The following MEF2B variants were observed in gnomAD, a reference collection of about 807,000 sequenced individuals.
MEF2B encodes the protein myocyte-specific enhancer factor 2B.
In MEF2B, 15 loss-of-function variants were observed where a neutral mutation model predicts 32.2. The ratio of observed to expected loss-of-function variants is 0.47; its 90% confidence interval spans 0.31 to 0.72. The LOEUF (loss-of-function observed/expected upper bound fraction) is 0.72, where lower values mean the gene tolerates loss of function less well. Ranked by LOEUF, MEF2B falls within the 30% of genes least tolerant of loss-of-function variation. The probability of loss-of-function intolerance (pLI) is 0.05; values close to 1 mark genes in which losing one functional copy is unlikely to be tolerated. For missense variants in MEF2B, 441 were observed against 511.5 expected, an observed-to-expected ratio of 0.86 and a Z score of 1.33; for synonymous variants, 205 against 225.6, an observed-to-expected ratio of 0.91 and a Z score of 0.82.
intron 1 of MEF2B, among the ~76,000 whole-genome samples, chr19:19,169,853 G>GAGGGACATCACATGCCACATCAC: frequency 6.6e-6 from 1 of 152,118 alleles, no homozygotes; most frequent in Non-Finnish European, 1.5e-5. Context: ...CACCAGGAGA[G>GAGGGACATCACATGCCACATCAC]AGGGACATCA....
chr19:19,161,225 A>T (rs961987632), intron 1 of MEF2B, among the ~76,000 whole-genome samples: 7 of 151,996 alleles, frequency 4.6e-5, no homozygotes, highest in Non-Finnish European at 1.0e-4. Context: ...TCCTGGGGGA[A>T]CCCAGCTCAG....
At chr19:19,169,267 T>G (rs2060234121) in intron 1 of MEF2B, among the ~76,000 whole-genome samples, 1 of 151,622 alleles carries the variant, frequency 6.6e-6, no homozygotes, top group African/African-American at 2.4e-5. Flanking sequence ...GGGAGGAGAA[T>G]TGTTTGAGCC....
rs769734787 is a variant in MEF2B at position 19,146,618 on chromosome 19, A to G, written c.706T>C (p.Cys236Arg). ...GGGGGTCCGGGAGTTGCAGTGGAGC[A>G]GGGGTTCTGCAGGCCACTGTAGAGG... Reference protein sequence around the residue: ...RSLYSGLQNPCSTATPGPPLG... With the variant: ...RSLYSGLQNPRSTATPGPPLG... Residue 236 changes from cysteine (C) to arginine (R), a missense_variant, in exon 7 of 9, where the codon TGC becomes CGC. By Grantham distance (180) the Cys-to-Arg change is radical. Transcript: ENST00000424583. 1 of 1,611,204 alleles carries G rather than the reference A, an allele frequency of 6.2e-7. No homozygotes were observed. Among genetic ancestry groups the G allele is most frequent in the Non-Finnish European group, 8.5e-7 (1 of 1,178,808 alleles).
At chr19:19,163,722 G>A (rs2060185314) in intron 1 of MEF2B, among the ~76,000 whole-genome samples, 1 of 152,032 alleles carries the variant, frequency 6.6e-6, no homozygotes, top group South Asian at 2.1e-4. Flanking sequence ...GGCACAATCT[G>A]GGCCTACTGC....
chr19:19,169,205 T>C (rs1218609082), intron 1 of MEF2B, among the ~76,000 whole-genome samples: 1 of 151,512 alleles, frequency 6.6e-6, no homozygotes, highest in Non-Finnish European at 1.5e-5. Context: ...ATACAAAAAC[T>C]AGCCAGGCGG....
intron 3 of MEF2B, among the ~76,000 whole-genome samples, chr19:19,148,903 G>C (rs1377586650): frequency 6.6e-6 from 1 of 151,798 alleles, no homozygotes; most frequent in African/African-American, 2.4e-5. Context: ...GTAGAGACTG[G>C]GTTTTGCCAT....
chr19:19,170,095 A>G (rs1245930360), intron 1 of MEF2B, 110 bp downstream of exon 1: 5 of 397,178 alleles, frequency 1.3e-5, no homozygotes, highest in Non-Finnish European at 4.4e-6. Flanking sequence ...CTTTAGACAC[A>G]CACCCCACCC....
At position 19,166,522 on chromosome 19, in the gene MEF2B, G is replaced by A. The variant is rs533873299; in HGVS notation, c.-30+3683C>T. ...TGTAATCCCAGCACTTTGGGAGGCC[G>A]AGGCAGGAGGACCATTTGAGCTCAG... On this transcript the variant is annotated intron_variant, in intron 1 of 8. Transcript: ENST00000424583. 7.6e-4 allele frequency among the ~76,000 whole-genome samples: 115 copies of A among 151,230 alleles called. 1 individual carries two copies. The highest frequency in any genetic ancestry group is 2.6e-3 in the African/African-American group (107 of 41,150).
In MEF2B at chr19:19,146,309, C is replaced by T; in HGVS notation, c.845G>A (p.Arg282Lys). Reference sequence around the variant, plus strand: ...GGACACGGCGGGGGGCCCATCACCCCTCGAGGGCTGCCAGGGGGCCAGGGT... The same window carrying T: ...GGACACGGCGGGGGGCCCATCACCCTTCGAGGGCTGCCAGGGGGCCAGGGT... ...PPTLAPWQPS[R>K]GDGPPAVSSQ... Residue 282 changes from arginine (R) to lysine (K), a missense_variant, in exon 8 of 9, where the codon AGG becomes AAG. This residue lies in a region of MEF2B where 326 missense variants were observed against 328.4 expected (regional missense o/e 0.99). Transcript: ENST00000424583. 1.0e-5 allele frequency: 14 copies of T among 1,344,576 alleles called. No homozygotes were observed. The highest frequency in any genetic ancestry group is 1.8e-5 in the South Asian group (1 of 55,204). The allele number at this position is 1,344,576 out of a possible 1,614,324, so 83.3% of individuals were successfully genotyped here.
chr19:19,149,106 G>T, intron 3 of MEF2B, 120 bp downstream of exon 3: 1 of 1,300,846 alleles, frequency 7.7e-7, no homozygotes, highest in Non-Finnish European at 1.1e-6. Context: ...CAGAAATAAA[G>T]CACGTCAGCC....
At chr19:19,163,177 G>T (rs2060179507) in intron 1 of MEF2B, among the ~76,000 whole-genome samples, 1 of 151,954 alleles carries the variant, frequency 6.6e-6, no homozygotes, top group South Asian at 2.1e-4. Context: ...ATTTTTTCAG[G>T]CAGGGTCTCA....
At chr19:19,146,169 C>T (rs2060024169) in intron 8 of MEF2B, 104 bp downstream of exon 8, 1 of 849,728 alleles carries the variant, frequency 1.2e-6, no homozygotes, top group Admixed American at 3.6e-5. Context: ...AAATAGCTGC[C>T]CATCCGTACC....
chr19:19,150,762 T>C lies in MEF2B; in HGVS notation c.-27A>G, dbSNP rs771323340. The C allele has an allele frequency of 6.2e-7, 1 of 1,614,080 alleles. No homozygotes were observed. Among genetic ancestry groups the C allele is most frequent in the Non-Finnish European group, 8.5e-7 (1 of 1,180,004 alleles). ...GTCCCAGGCTGAGTGGAATGATCTT[T>C]GTCTAGGAGGAGAAGAGGGAGAGGA... On this transcript the variant is annotated splice_region_variant and 5_prime_UTR_variant, in exon 2 of 9. Transcript: ENST00000424583.
chr19:19,165,070 G>C (rs1273187211), intron 1 of MEF2B, among the ~76,000 whole-genome samples: 1 of 152,160 alleles, frequency 6.6e-6, no homozygotes, highest in Admixed American at 6.5e-5. Flanking sequence ...TGGGGCTTTA[G>C]GACACTGTCA....
At chr19:19,161,243 G>A (rs973359690) in intron 1 of MEF2B, among the ~76,000 whole-genome samples, 3 of 152,004 alleles carry the variant, frequency 2.0e-5, no homozygotes, top group Non-Finnish European at 4.4e-5. Flanking sequence ...CAGATTGCGG[G>A]CCCCAAAAAG....
At chr19:19,151,011 GGGAGGCCAAGGCA>G (rs2146359914) in intron 1 of MEF2B, among the ~76,000 whole-genome samples, 1 of 152,336 alleles carries the variant, frequency 6.6e-6, no homozygotes, top group South Asian at 2.1e-4. Flanking sequence ...CTAGCACTTT[GGGAGGCCAAGGCA>G]GGAGGATCAC....
At chr19:19,158,910 C>T (rs973325278) in intron 1 of MEF2B, among the ~76,000 whole-genome samples, 2 of 151,920 alleles carry the variant, frequency 1.3e-5, no homozygotes, top group African/African-American at 4.8e-5. Context: ...GCACTCCAGC[C>T]CGGGCAACAT....
intron 1 of MEF2B, among the ~76,000 whole-genome samples, chr19:19,158,685 G>A (rs992863291): frequency 6.6e-6 from 1 of 151,746 alleles, no homozygotes; most frequent in African/African-American, 2.4e-5. Context: ...TTGAGCCCAG[G>A]AGGTGGAGGT....
intron 1 of MEF2B, among the ~76,000 whole-genome samples, chr19:19,159,376 G>A (rs2060143121): frequency 2.0e-5 from 3 of 151,688 alleles, no homozygotes; most frequent in Admixed American, 2.0e-4. Flanking sequence ...AGCTATGAGT[G>A]GGCCACTGCA....
Sources: allele counts gnomAD v4.1 joint callset (sites outside exome capture counted in the v4.1 genomes callset), GRCh38; gene constraint gnomAD v4.1.1; regional missense constraint gnomAD v4.1.1; transcripts MANE v1.5; gene names NCBI Gene and HGNC (gene_info 2026-07-23, HGNC 2026-07-21).